BBX: variants seen among roughly 807,000 people sequenced by gnomAD.
BBX encodes HMG box transcription factor BBX.
In BBX, 30 loss-of-function variants were observed where a neutral mutation model predicts 100.2. The ratio of observed to expected loss-of-function variants is 0.30; its 90% CI spans 0.22 to 0.41. The LOEUF is 0.41. BBX is among the 10% of genes least tolerant of loss of function. The pLI, the probability that BBX is intolerant of heterozygous loss-of-function variation, is 1.00. For synonymous variants in BBX, 376 were observed against 388.1 expected (o/e 0.97, Z 0.37); for missense variants, 1,023 against 1,129.8 (o/e 0.91, Z 1.35).
intron 2 of BBX, among the ~76,000 whole-genome samples, chr3:107,564,465 C>G (rs1408272121): frequency 6.6e-6 from 1 of 151,932 alleles, no homozygotes; most frequent in African/African-American, 2.4e-5. Context: ...TTTCGTATAC[C>G]AGTGTCATTG....
chr3:107,765,170 A>G (rs555073287), intron 10 of BBX, among the ~76,000 whole-genome samples: 1 of 152,212 alleles, frequency 6.6e-6, no homozygotes, highest in Non-Finnish European at 1.5e-5. Flanking sequence ...GTAAGTTAGT[A>G]TTTATTCCAT....
At chr3:107,593,055 C>A (rs2053446846) in intron 2 of BBX, among the ~76,000 whole-genome samples, 1 of 152,182 alleles carries the variant, frequency 6.6e-6, no homozygotes, top group South Asian at 2.1e-4. Context: ...TGGTGTTCTG[C>A]TAGATCTGTT....
chr3:107,786,028 C>G (rs2068383989), intron 13 of BBX, among the ~76,000 whole-genome samples: 1 of 152,052 alleles, frequency 6.6e-6, no homozygotes, highest in Middle Eastern at 3.2e-3. Flanking sequence ...TTTTGATACA[C>G]TTAAACAATG....
intron 2 of BBX, among the ~76,000 whole-genome samples, chr3:107,593,382 A>G (rs2053467575): frequency 6.6e-6 from 1 of 152,216 alleles, no homozygotes. Flanking sequence ...GTAATCACTA[A>G]TCCACTAAAT....
chr3:107,778,153 T>G (rs1166845347), intron 12 of BBX, among the ~76,000 whole-genome samples: 1 of 152,156 alleles, frequency 6.6e-6, no homozygotes, highest in Non-Finnish European at 1.5e-5. Flanking sequence ...TCTACTTTTC[T>G]AAGGTAATAA....
intron 2 of BBX, among the ~76,000 whole-genome samples, chr3:107,628,361 AAG>A (rs1274653324): frequency 1.3e-5 from 2 of 152,062 alleles, no homozygotes; most frequent in African/African-American, 4.8e-5. Context: ...TGTATTTATC[AAG>A]AGTTTGCTTT....
chr3:107,796,708 A>T (rs1389103027), intron 15 of BBX, among the ~76,000 whole-genome samples: 1 of 151,854 alleles, frequency 6.6e-6, no homozygotes, highest in Admixed American at 6.6e-5. Flanking sequence ...GGAAGCTTTT[A>T]TTGAAGTTTA....
intron 7 of BBX, among the ~76,000 whole-genome samples, chr3:107,735,503 A>T (rs2063576477): frequency 6.6e-6 from 1 of 152,214 alleles, no homozygotes; most frequent in Admixed American, 6.5e-5. Flanking sequence ...TTATTCTGAA[A>T]TATTATTCTT....
chr3:107,552,463 A>T (rs529161929), intron 2 of BBX, among the ~76,000 whole-genome samples: 75 of 151,456 alleles, frequency 5.0e-4, no homozygotes, highest in Non-Finnish European at 8.8e-4. Context: ...AAACTCTTAA[A>T]TGGATAACCA....
At chr3:107,734,965 G>C (rs550500101) in intron 7 of BBX, among the ~76,000 whole-genome samples, 27 of 152,216 alleles carry the variant, frequency 1.8e-4, no homozygotes, top group Non-Finnish European at 3.1e-4. Flanking sequence ...TGGGAGAAGA[G>C]AATCTATGCT....
At chr3:107,771,359 G>A (rs544553556) in intron 10 of BBX, among the ~76,000 whole-genome samples, 7 of 152,092 alleles carry the variant, frequency 4.6e-5, no homozygotes, top group African/African-American at 1.7e-4. Flanking sequence ...GGGAGCCAGA[G>A]AGGAAAATGG....
At chr3:107,721,713 A>C (rs1308640419) in intron 5 of BBX, among the ~76,000 whole-genome samples, 1 of 151,942 alleles carries the variant, frequency 6.6e-6, no homozygotes. Context: ...TAAACATTTA[A>C]ATGTTTATAA....
intron 7 of BBX, among the ~76,000 whole-genome samples, chr3:107,735,614 G>A (rs540040224): frequency 6.6e-6 from 1 of 151,974 alleles, no homozygotes; most frequent in Admixed American, 6.5e-5. Context: ...TTAACATAGG[G>A]AATAGATTTC....
Position 107,768,101 on chromosome 3 carries a change from G to A in BBX, c.907-4527G>A, listed in dbSNP as rs145144290. Among the ~76,000 whole-genome samples, 22 of 152,204 alleles carry A rather than the reference G, an allele frequency of 1.4e-4. No homozygotes were observed. The East Asian group carries it at 1.5e-3, about 11-fold the overall frequency. ...CTGCTGTCACTAACCCCTGTGTTGCGTCACCGCCTCCTGTTTGGGTGTCTC... is the reference window on the plus strand; with the variant it reads ...CTGCTGTCACTAACCCCTGTGTTGCATCACCGCCTCCTGTTTGGGTGTCTC... On this transcript the variant is annotated intron_variant, in intron 10 of 17. Transcript: ENST00000325805.
intron 3 of BBX, among the ~76,000 whole-genome samples, chr3:107,676,024 C>CT (rs1416619613): frequency 6.6e-6 from 1 of 151,996 alleles, no homozygotes; most frequent in Non-Finnish European, 1.5e-5. Context: ...AAAATAAAAA[C>CT]TTTTTATTAT....
intron 3 of BBX, among the ~76,000 whole-genome samples, chr3:107,686,933 G>T (rs912336329): frequency 1.3e-5 from 2 of 152,086 alleles, no homozygotes; most frequent in African/African-American, 4.8e-5. Context: ...AATAAATTAT[G>T]CACTGAATTG....
At chr3:107,670,963 T>C (rs2058991597) in intron 3 of BBX, among the ~76,000 whole-genome samples, 1 of 152,094 alleles carries the variant, frequency 6.6e-6, no homozygotes. Flanking sequence ...TTTTAAAAAA[T>C]ATATGGCTAG....
intron 2 of BBX, among the ~76,000 whole-genome samples, chr3:107,620,097 G>T (rs1048970569): frequency 2.6e-5 from 4 of 151,318 alleles, no homozygotes; most frequent in Non-Finnish European, 4.4e-5. Flanking sequence ...TCTTTCTTTG[G>T]CTCAGATTGG....
At position 107,801,198 on chromosome 3, in the gene BBX, C is replaced by G. The variant is rs1486062934; in HGVS notation, c.2655C>G (p.Ser885Arg). 1.2e-6 allele frequency: 2 copies of G among 1,614,094 alleles called. No homozygotes were observed. Among genetic ancestry groups the G allele is most frequent in the East Asian group, 4.5e-5 (2 of 44,896 alleles). ...ACACCGAGGTCGGGGAGACGCGGAG[C>G]AGTACTCCAGAAATGCCTGCCGTGT... ...SHNTEVGETR[S>R]STPEMPAVSA... Residue 885 changes from serine (S) to arginine (R), a missense_variant, in exon 17 of 18, where the codon AGC becomes AGG. Ser to Arg is a moderately radical substitution (Grantham distance 110, BLOSUM62 -1). Coordinates refer to ENST00000325805, the MANE Select transcript of BBX (RefSeq NM_001142568.3).
Sources: allele counts gnomAD v4.1 joint callset (sites outside exome capture counted in the v4.1 genomes callset), GRCh38; gene constraint gnomAD v4.1.1; transcripts MANE v1.5; gene names NCBI Gene and HGNC (gene_info 2026-07-23, HGNC 2026-07-21).